RNGTT: variants seen among roughly 807,000 people sequenced by gnomAD.
RNGTT encodes the protein RNA guanylyltransferase and 5'-phosphatase.
Under a neutral mutation model 79.3 loss-of-function variants are expected in RNGTT, and 33 were observed. The observed-to-expected ratio is 0.42, with a 90% CI of 0.32 to 0.56. RNGTT has a LOEUF of 0.56. Ranked by LOEUF, RNGTT falls within the 20% of genes least tolerant of loss-of-function variation. RNGTT has a pLI of 0.17. For missense variants in RNGTT, 497 were observed against 739.1 expected, an observed-to-expected ratio of 0.67 and a Z score of 3.80; for synonymous variants, 222 against 235.9, an observed-to-expected ratio of 0.94 and a Z score of 0.54.
chr6:88,796,522 T>C (rs898343130), intron 12 of RNGTT, among the ~76,000 whole-genome samples: 10 of 152,172 alleles, frequency 6.6e-5, no homozygotes, highest in Non-Finnish European at 1.0e-4. Context: ...GATGAGCCAC[T>C]TAACAGACTT....
At chr6:88,852,313 A>G (rs1017664856) in intron 9 of RNGTT, among the ~76,000 whole-genome samples, 1 of 152,078 alleles carries the variant, frequency 6.6e-6, no homozygotes, top group African/African-American at 2.4e-5. Context: ...TCAATTATAA[A>G]CTATACTAAA....
At chr6:88,880,388 G>A (rs923674013) in intron 8 of RNGTT, among the ~76,000 whole-genome samples, 4 of 152,094 alleles carry the variant, frequency 2.6e-5, no homozygotes, top group African/African-American at 9.7e-5. Context: ...TGCCTAAGTG[G>A]CTTTTTTATT....
At chr6:88,649,427 G>A (rs1029125831) in intron 14 of RNGTT, among the ~76,000 whole-genome samples, 4 of 152,192 alleles carry the variant, frequency 2.6e-5, no homozygotes, top group East Asian at 1.9e-4. Flanking sequence ...AGCCGGGCGC[G>A]GTGGCTCACG....
At chr6:88,723,786 G>A (rs1231159530) in intron 13 of RNGTT, among the ~76,000 whole-genome samples, 2 of 152,098 alleles carry the variant, frequency 1.3e-5, no homozygotes, top group Non-Finnish European at 2.9e-5. Context: ...GTGCAGTGGT[G>A]CAATGTGGGC....
At chr6:88,921,505 C>A (rs552791265) in intron 4 of RNGTT, among the ~76,000 whole-genome samples, 2 of 152,218 alleles carry the variant, frequency 1.3e-5, no homozygotes, top group Non-Finnish European at 2.9e-5. Flanking sequence ...TTAGCAGTAA[C>A]TACAGCTTCA....
intron 9 of RNGTT, among the ~76,000 whole-genome samples, 167 bp downstream of exon 9, chr6:88,853,462 G>A (rs943804489): frequency 7.5e-5 from 11 of 146,108 alleles, no homozygotes; most frequent in Admixed American, 6.9e-5. Flanking sequence ...CCGAGATCCC[G>A]CCACTGCACT....
intron 13 of RNGTT, among the ~76,000 whole-genome samples, chr6:88,722,842 G>C (rs12196721): frequency 0.25 from 38,435 of 152,074 alleles, 5,873 homozygotes; most frequent in Non-Finnish European, 0.34. Flanking sequence ...CTATCATCTA[G>C]TGACATCATA....
chr6:88,776,315 T>C (rs539882554), intron 12 of RNGTT, among the ~76,000 whole-genome samples: 1 of 150,278 alleles, frequency 6.7e-6, no homozygotes, highest in African/African-American at 2.5e-5. Flanking sequence ...TCATACACCT[T>C]TTGACCTTTT....
chr6:88,664,186 A>T (rs889201617), intron 14 of RNGTT, among the ~76,000 whole-genome samples: 2 of 152,154 alleles, frequency 1.3e-5, no homozygotes, highest in Non-Finnish European at 2.9e-5. Context: ...AAGCACTCTT[A>T]GAAGGGTTGA....
rs536398498 is a variant in RNGTT, at chr6:88,802,819, G to A, written c.1270-1187C>T. On this transcript the variant is annotated intron_variant, in intron 11 of 15. Transcript: ENST00000369485. ...CAGCATGGGGGGAAATAGCCCCCAC[G>A]AATCAATTACTTCCCACCAGGTCCC... Among the ~76,000 whole-genome samples, 3 of 152,250 alleles carry A rather than the reference G, an allele frequency of 2.0e-5. No individual in the cohort carries two copies. In the East Asian group the frequency reaches 5.8e-4, roughly 29 times the overall value.
chr6:88,653,840 G>A (rs1221902500), intron 14 of RNGTT, among the ~76,000 whole-genome samples: 1 of 152,176 alleles, frequency 6.6e-6, no homozygotes, highest in Non-Finnish European at 1.5e-5. Flanking sequence ...TGAGGATACA[G>A]AAGTGGACAA....
chr6:88,809,437 G>A (rs1780064466), intron 11 of RNGTT, among the ~76,000 whole-genome samples: 1 of 151,934 alleles, frequency 6.6e-6, no homozygotes, highest in African/African-American at 2.4e-5. Context: ...AAAACAACCT[G>A]ACTTAATTGA....
intron 14 of RNGTT, among the ~76,000 whole-genome samples, chr6:88,622,292 A>C (rs76832769): frequency 0.03 from 4,568 of 152,270 alleles, 231 homozygotes; most frequent in African/African-American, 0.1. Context: ...GAGCTAACCC[A>C]AAAGATAGTT....
chr6:88,859,072 G>T (rs1781925180), intron 8 of RNGTT, among the ~76,000 whole-genome samples: 1 of 151,634 alleles, frequency 6.6e-6, no homozygotes, highest in South Asian at 2.1e-4. Flanking sequence ...GCTCACTGCA[G>T]CCTCAAACTC....
intron 8 of RNGTT, among the ~76,000 whole-genome samples, chr6:88,873,494 C>G (rs914014723): frequency 3.3e-5 from 5 of 151,980 alleles, no homozygotes; most frequent in African/African-American, 1.2e-4. Context: ...AATAAGAGAA[C>G]CTGGTACTTG....
intron 14 of RNGTT, among the ~76,000 whole-genome samples, chr6:88,639,742 A>G (rs17796500): frequency 0.081 from 12,270 of 152,260 alleles, 746 homozygotes; most frequent in Non-Finnish European, 0.12. Context: ...GAAAACCTGA[A>G]TGAATGATTA....
chr6:88,884,747 C>T (rs1782802534), intron 8 of RNGTT, among the ~76,000 whole-genome samples: 1 of 152,048 alleles, frequency 6.6e-6, no homozygotes. Context: ...AAGGGTTTGG[C>T]AGGAAGAGAG....
At chr6:88,932,485 C>T (rs911980774) in intron 2 of RNGTT, among the ~76,000 whole-genome samples, 2 of 152,136 alleles carry the variant, frequency 1.3e-5, no homozygotes, top group African/African-American at 4.8e-5. Flanking sequence ...CTTTGAAAAT[C>T]GCTAATAAAA....
intron 8 of RNGTT, among the ~76,000 whole-genome samples, chr6:88,867,251 G>A (rs112606082): frequency 2.0e-5 from 3 of 152,294 alleles, no homozygotes; most frequent in African/African-American, 7.2e-5. Context: ...GGGAAGCCAA[G>A]GCAGGCAGAT....
Sources: allele counts gnomAD v4.1 joint callset (sites outside exome capture counted in the v4.1 genomes callset), GRCh38; gene constraint gnomAD v4.1.1; transcripts MANE v1.5; gene names NCBI Gene and HGNC (gene_info 2026-07-23, HGNC 2026-07-21).